Variants in CALU observed in about 807,000 individuals in gnomAD.
The protein encoded by CALU is IEF SSP 9302.
A neutral mutation model predicts 37.5 loss-of-function variants in CALU; 13 were observed. The ratio of observed to expected loss-of-function variants is 0.35; its 90% confidence interval spans 0.23 to 0.55. The LOEUF (loss-of-function observed/expected upper bound fraction) is 0.55. Among genes scored for constraint, CALU ranks in the 20% least tolerant of loss-of-function variants. The pLI is 0.89. For synonymous variants in CALU, 114 were observed against 133.8 expected, an observed-to-expected ratio of 0.85 and a Z score of 1.02; for missense variants, 282 against 391.7, an observed-to-expected ratio of 0.72 and a Z score of 2.36.
chr7:128,761,182 A>G (rs184164663), intron 5 of CALU, among the ~76,000 whole-genome samples: 193 of 152,198 alleles, frequency 1.3e-3, no homozygotes, highest in African/African-American at 4.5e-3. Flanking sequence ...TCACACCTTC[A>G]AGGCTAATTT....
rs756810424 is a variant in CALU at position 128,759,785 on chromosome 7, T to G, written c.583-7T>G. The G allele has an allele frequency of 7.8e-6, 10 of 1,284,644 alleles. No homozygotes were observed. Among genetic ancestry groups the G allele is most frequent in the Non-Finnish European group, 1.1e-5 (10 of 880,250 alleles). 79.6% of individuals were successfully genotyped at this position (1,284,644 alleles called of 1,614,324 possible). ...TTAATAGTCTCTTCTTATTCTTTCC[T>G]GTTTAGGAAACAATGGAAGATATAG... On this transcript the variant is annotated splice_region_variant and splice_polypyrimidine_tract_variant and intron_variant, in intron 4 of 6. Coordinates refer to ENST00000249364, the MANE Select transcript of CALU (RefSeq NM_001219.5).
At chr7:128,752,846 G>A (rs1800730321) in intron 2 of CALU, among the ~76,000 whole-genome samples, 2 of 152,056 alleles carry the variant, frequency 1.3e-5, no homozygotes, top group South Asian at 2.1e-4. Flanking sequence ...CACCATGCCC[G>A]GCTAATTTTT....
chr7:128,754,647 C>T lies in CALU; in HGVS notation c.415+192C>T, dbSNP rs990379085. ...ATATGACAATGTTGAAAACCAATGGCAGGAGTTTGATATGAATCAAGACGG... is the reference window on the plus strand; with the variant it reads ...ATATGACAATGTTGAAAACCAATGGTAGGAGTTTGATATGAATCAAGACGG... On this transcript the variant is annotated intron_variant, in intron 3 of 6. Coordinates refer to ENST00000249364, the MANE Select transcript of CALU (RefSeq NM_001219.5). The T allele has an allele frequency of 6.4e-6, 10 of 1,551,992 alleles. No homozygotes were observed. The African/African-American group carries it at 8.2e-5, about 13-fold the overall frequency.
chr7:128,740,506 A>G (rs1376872333), intron 1 of CALU, among the ~76,000 whole-genome samples: 1 of 152,206 alleles, frequency 6.6e-6, no homozygotes, highest in African/African-American at 2.4e-5. Context: ...CTCACTCAGT[A>G]GATTTAATTA....
At chr7:128,767,100 T>C (rs1364506354) in intron 5 of CALU, among the ~76,000 whole-genome samples, 1 of 152,202 alleles carries the variant, frequency 6.6e-6, no homozygotes, top group Non-Finnish European at 1.5e-5. Flanking sequence ...TACACCTTTC[T>C]AAAACAAGTG....
At chr7:128,763,380 T>G (rs1470028835) in intron 5 of CALU, among the ~76,000 whole-genome samples, 1 of 151,900 alleles carries the variant, frequency 6.6e-6, no homozygotes, top group African/African-American at 2.4e-5. Flanking sequence ...AATATAAAAA[T>G]TAGCCAGGTG....
At chr7:128,745,893 A>G (rs1025228688) in intron 1 of CALU, among the ~76,000 whole-genome samples, 1 of 152,142 alleles carries the variant, frequency 6.6e-6, no homozygotes, top group South Asian at 2.1e-4. Flanking sequence ...TTTCACACCA[A>G]TCTTACCAGC....
chr7:128,768,786 G>A (rs1403252468), intron 6 of CALU, among the ~76,000 whole-genome samples: 2 of 145,920 alleles, frequency 1.4e-5, no homozygotes, highest in African/African-American at 5.2e-5. Context: ...GGCGGAGGTT[G>A]CGGTGAGCTG....
chr7:128,769,526 T>A lies in CALU; in HGVS notation c.*359T>A, dbSNP rs11653. The A allele has an allele frequency of 0.3, 47,277 of 156,418 alleles. 8,400 individuals carry two copies. Among genetic ancestry groups the A allele is most frequent in the Non-Finnish European group, 0.41 (28,850 of 70,480 alleles). 9.7% of individuals were successfully genotyped at this position (156,418 alleles called of 1,614,324 possible). On this transcript the variant is annotated 3_prime_UTR_variant, in exon 7 of 7. Coordinates refer to ENST00000249364, the MANE Select transcript of CALU (RefSeq NM_001219.5). ...GCTCTTTACTCTTTCTCAACCCCTT[T>A]TATGATTTTAATAATTCTCACTTAA...
At chr7:128,755,256 G>A (rs1490833349) in intron 3 of CALU, among the ~76,000 whole-genome samples, 2 of 136,018 alleles carry the variant, frequency 1.5e-5, no homozygotes, top group Non-Finnish European at 3.1e-5. Context: ...AGGCAGCTGC[G>A]AGCCATGATT....
intron 4 of CALU, among the ~76,000 whole-genome samples, chr7:128,759,253 G>A (rs563689258): frequency 6.6e-6 from 1 of 152,148 alleles, no homozygotes; most frequent in Non-Finnish European, 1.5e-5. Flanking sequence ...ATTCTGTTTA[G>A]TATGATAATA....
Position 128,770,671 on chromosome 7 carries a change from G to C in CALU, c.*1504G>C, listed in dbSNP as rs1322566374. On this transcript the variant is annotated 3_prime_UTR_variant, in exon 7 of 7. Transcript: ENST00000249364. ...GAAAGAGCTAAAGAAACCACCCTTT[G>C]TTCCCAACTCCACTTTACCCATATT... is the stretch of plus-strand genomic sequence containing the variant. The C allele has an allele frequency of 6.6e-6, 1 of 152,074 alleles. No individual in the cohort carries two copies. The highest frequency in any genetic ancestry group is 1.5e-5 in the Non-Finnish European group (1 of 67,988). The allele number at this position is 152,074 out of a possible 1,614,324, so 9.4% of individuals were successfully genotyped here.
intron 4 of CALU, among the ~76,000 whole-genome samples, chr7:128,759,581 T>C (rs1801020570): frequency 6.6e-6 from 1 of 152,226 alleles, no homozygotes; most frequent in African/African-American, 2.4e-5. Context: ...TTATTTTAGA[T>C]TGAAGCATAG....
chr7:128,757,905 C>T (rs969619963), intron 3 of CALU, among the ~76,000 whole-genome samples: 2 of 130,338 alleles, frequency 1.5e-5, no homozygotes, highest in African/African-American at 5.1e-5. Flanking sequence ...TGGTTGTAAT[C>T]TAAGGGTTTT....
chr7:128,762,982 A>G (rs540302225), intron 5 of CALU, among the ~76,000 whole-genome samples: 7 of 152,270 alleles, frequency 4.6e-5, no homozygotes, highest in African/African-American at 1.4e-4. Context: ...TTAGAATAGT[A>G]TAATGAATCC....
chr7:128,743,354 T>C lies in CALU; in HGVS notation c.-12+3922T>C, dbSNP rs1011179824. On this transcript the variant is annotated intron_variant, in intron 1 of 6. Transcript: ENST00000249364. ...TTTATGTGTATCATATTTTTCCTAATATTATGTTGTCCATTATGTCCATAG... is the reference window on the plus strand; with the variant it reads ...TTTATGTGTATCATATTTTTCCTAACATTATGTTGTCCATTATGTCCATAG... Among the ~76,000 whole-genome samples the C allele has an allele frequency of 5.3e-5, 8 of 152,282 alleles. 1 individual carries two copies. The highest frequency in any genetic ancestry group is 3.4e-3 in the Middle Eastern group (1 of 294).
At chr7:128,762,017 G>C (rs886604096) in intron 5 of CALU, among the ~76,000 whole-genome samples, 1 of 149,666 alleles carries the variant, frequency 6.7e-6, no homozygotes, top group African/African-American at 2.5e-5. Flanking sequence ...AGCAATGGAA[G>C]ATAGGATGGA....
At chr7:128,759,677 A>G in intron 4 of CALU, 115 bp from the exon 5 acceptor site, 2 of 659,136 alleles carry the variant, frequency 3.0e-6, no homozygotes, top group Non-Finnish European at 2.8e-6. Flanking sequence ...ATACATACAT[A>G]CATGTACAAG....
chr7:128,759,013 C>G lies in CALU; in HGVS notation c.558C>G (p.Asp186Glu), dbSNP rs1259425561. ...CTTTCCTGCACCCTGAGGAGTATGA[C>G]TACATGAAAGATATAGTAGTACAGG... is the stretch of plus-strand genomic sequence containing the variant. ...FTAFLHPEEY[D>E]YMKDIVVQET... The change falls in exon 4 of 7, where the codon GAC becomes GAG. Residue 186 changes from aspartate (D) to glutamate (E), a missense_variant. Asp to Glu is a conservative substitution (Grantham distance 45). Coordinates refer to ENST00000249364, the MANE Select transcript of CALU (RefSeq NM_001219.5). 1 of 1,613,582 alleles carries G rather than the reference C, an allele frequency of 6.2e-7. No homozygotes were observed. Among genetic ancestry groups the G allele is most frequent in the Non-Finnish European group, 8.5e-7 (1 of 1,179,804 alleles).
Sources: gnomAD v4.1 joint callset for allele counts (sites outside exome capture counted in the v4.1 genomes callset) on GRCh38, gnomAD v4.1.1 for gene constraint, MANE v1.5 for transcripts, NCBI Gene and HGNC (gene_info 2026-07-23, HGNC 2026-07-21) for gene names.